DYSF: variants seen among roughly 807,000 people sequenced by gnomAD.
The protein encoded by DYSF is dystrophy-associated fer-1-like 1.
In DYSF, 212 loss-of-function variants were observed where a neutral mutation model predicts 274.9. The ratio of observed to expected loss-of-function variants is 0.77; its 90% CI spans 0.69 to 0.86. DYSF has a LOEUF of 0.86. Among genes scored for constraint, DYSF ranks in the 40% least tolerant of loss-of-function variants. The probability of loss-of-function intolerance (pLI) is 0.00; values close to 1 mark genes in which losing one functional copy is unlikely to be tolerated. For missense variants in DYSF, 2,666 were observed against 2,783.2 expected (o/e 0.96, Z 0.95); for synonymous variants, 1,091 against 1,078.7 (o/e 1.01, Z -0.22).
At chr2:71,480,717 C>T (rs1347485501) in intron 1 of DYSF, among the ~76,000 whole-genome samples, 166 bp from the exon 2 acceptor site, 1 of 152,040 alleles carries the variant, frequency 6.6e-6, no homozygotes, top group Non-Finnish European at 1.5e-5. Context: ...GTGTGATTGG[C>T]ATTGGGGATT....
At chr2:71,496,398 G>A (rs768901017) in intron 3 of DYSF, among the ~76,000 whole-genome samples, 3 of 152,136 alleles carry the variant, frequency 2.0e-5, no homozygotes, top group Non-Finnish European at 4.4e-5. Flanking sequence ...GAGGCAGAGA[G>A]AGCGAGGGGA....
At chr2:71,526,464 AAC>A in intron 13 of DYSF, 118 bp downstream of exon 13, 2 of 1,420,806 alleles carry the variant, frequency 1.4e-6, no homozygotes, top group Non-Finnish European at 1.9e-6. Flanking sequence ...CGTCTAGGAA[AAC>A]AATCAGAATT....
chr2:71,656,748 A>T (rs538985071), intron 43 of DYSF, among the ~76,000 whole-genome samples: 38 of 152,178 alleles, frequency 2.5e-4, no homozygotes, highest in African/African-American at 8.2e-4. Context: ...CCCCTGATAA[A>T]CCCATCAGAT....
chr2:71,488,787 A>G (rs1446044618), intron 3 of DYSF, among the ~76,000 whole-genome samples: 1 of 152,128 alleles, frequency 6.6e-6, no homozygotes, highest in Non-Finnish European at 1.5e-5. Flanking sequence ...TGTATCTTTT[A>G]GCGACCTGGT....
intron 3 of DYSF, among the ~76,000 whole-genome samples, chr2:71,482,261 G>A (rs1043897876): frequency 1.3e-5 from 2 of 152,142 alleles, no homozygotes; most frequent in African/African-American, 2.4e-5. Context: ...AGGAAGACTC[G>A]CTTCCTGCTG....
intron 33 of DYSF, among the ~76,000 whole-genome samples, chr2:71,598,959 T>C (rs2093474692): frequency 6.6e-6 from 1 of 152,210 alleles, no homozygotes; most frequent in Non-Finnish European, 1.5e-5. Flanking sequence ...GAAGGGAACA[T>C]ATCCGGAAAA....
At chr2:71,516,081 A>T in intron 8 of DYSF, 99 bp from the exon 9 acceptor site, 1 of 1,224,466 alleles carries the variant, frequency 8.2e-7, no homozygotes, top group Non-Finnish European at 1.2e-6. Flanking sequence ...GAGGGGACTA[A>T]ACTGCTAGGC....
In DYSF at chr2:71,457,472, C is replaced by G. The variant is rs552716467; in HGVS notation, c.88+3386C>G. On this transcript the variant is annotated intron_variant, in intron 1 of 54. Coordinates refer to the DYSF transcript ENST00000258104. ...ACCTCTGGCTTTAGCTTGGATTTACCAAAGACAAGCAAGAAAAGGTGGAGG... is the reference window on the plus strand; with the variant it reads ...ACCTCTGGCTTTAGCTTGGATTTACGAAAGACAAGCAAGAAAAGGTGGAGG... 2.6e-5 allele frequency among the ~76,000 whole-genome samples: 4 copies of G among 152,254 alleles called. No homozygotes were observed. The South Asian group carries it at 8.3e-4, about 32-fold the overall frequency.
intron 14 of DYSF, among the ~76,000 whole-genome samples, chr2:71,534,540 C>G (rs1429948913): frequency 1.3e-5 from 2 of 152,200 alleles, no homozygotes; most frequent in African/African-American, 4.8e-5. Context: ...CTTTCACTCT[C>G]TGACCTCTGT....
exon 1 of DYSF, chr2:71,453,964 C>A (rs1330939831): frequency 1.9e-6 from 3 of 1,611,166 alleles, no homozygotes; most frequent in East Asian, 2.2e-5. Flanking sequence ...GCCCTCTTTG[C>A]GCCCTGGGCG....
chr2:71,607,322 T>G (rs1350910031), intron 36 of DYSF, among the ~76,000 whole-genome samples: 2 of 152,132 alleles, frequency 1.3e-5, no homozygotes, highest in African/African-American at 4.8e-5. Flanking sequence ...GGGCAGGGGT[T>G]GCGTGTGTCC....
intron 1 of DYSF, among the ~76,000 whole-genome samples, chr2:71,473,000 T>C (rs2082146050): frequency 6.6e-6 from 1 of 152,240 alleles, no homozygotes; most frequent in Non-Finnish European, 1.5e-5. Flanking sequence ...GTTTAAAGAC[T>C]ACTCTTCTTG....
chr2:71,494,912 C>T (rs142723204), intron 3 of DYSF, among the ~76,000 whole-genome samples: 63 of 152,290 alleles, frequency 4.1e-4, no homozygotes, highest in African/African-American at 1.4e-3. Context: ...CAGGAATGAT[C>T]AAAAAGAAAT....
At chr2:71,465,725 G>A (rs2081490356), upstream of DYSF, among the ~76,000 whole-genome samples, 3 of 152,234 alleles carry the variant, frequency 2.0e-5, no homozygotes, top group Admixed American at 2.0e-4. Flanking sequence ...TGAGGACTTG[G>A]GCGGTGGGAA....
At chr2:71,504,080 G>A (rs1335183160) in intron 4 of DYSF, among the ~76,000 whole-genome samples, 1 of 152,192 alleles carries the variant, frequency 6.6e-6, no homozygotes, top group African/African-American at 2.4e-5. Context: ...GTGAGGCCGG[G>A]GCTCCTGGCT....
At chr2:71,462,285 C>T (rs2081315617), upstream of DYSF, among the ~76,000 whole-genome samples, 1 of 152,170 alleles carries the variant, frequency 6.6e-6, no homozygotes, top group Non-Finnish European at 1.5e-5. Context: ...CAGGCACTGG[C>T]TCTGTGCCAG....
At position 71,667,395 on chromosome 2, in the gene DYSF, C is replaced by G. The variant is rs2095034324; in HGVS notation, c.5337C>G (p.Asn1779Lys). The G allele has an allele frequency of 6.2e-7, 1 of 1,614,126 alleles. No homozygotes were observed. The highest frequency in any genetic ancestry group is 8.5e-7 in the Non-Finnish European group (1 of 1,180,032). The change falls in exon 48 of 56, where the codon AAC becomes AAG. Residue 1779 changes from asparagine to lysine, a missense_variant. Physicochemically the swap from Asn to Lys is moderately conservative, Grantham distance 94 (BLOSUM62 0). This residue lies in a region of DYSF where 1,460 missense variants were observed against 1,502.1 expected (regional missense o/e 0.97). Coordinates refer to ENST00000410020, the MANE Select transcript of DYSF (RefSeq NM_001130987.2). ...IEEIEAGRIP[N>K]PHLGPVEERL... ...GGGCAGAGGCTGGCAGGATCCCAAACCCACACCTGGGCCCAGTGGAGGAGC... is the reference window on the plus strand; with the variant it reads ...GGGCAGAGGCTGGCAGGATCCCAAAGCCACACCTGGGCCCAGTGGAGGAGC...
chr2:71,599,458 G>A, intron 33 of DYSF, among the ~76,000 whole-genome samples: 1 of 152,254 alleles, frequency 6.6e-6, no homozygotes. Context: ...GCTCTAGGAG[G>A]CTCCCAGGAG....
At chr2:71,493,971 T>C (rs2084133453) in intron 3 of DYSF, among the ~76,000 whole-genome samples, 1 of 151,942 alleles carries the variant, frequency 6.6e-6, no homozygotes, top group Admixed American at 6.6e-5. Flanking sequence ...TAAAAATCAA[T>C]TACAAGGGTG....
Sources: allele counts gnomAD v4.1 joint callset (sites outside exome capture counted in the v4.1 genomes callset), GRCh38; gene constraint gnomAD v4.1.1; regional missense constraint gnomAD v4.1.1; transcripts MANE v1.5; gene names NCBI Gene and HGNC (gene_info 2026-07-23, HGNC 2026-07-21).